PSMD2: variants seen among roughly 807,000 people sequenced by gnomAD.
PSMD2 encodes the protein proteasome 26S subunit ubiquitin receptor, non-ATPase 2.
Under a neutral mutation model 101.5 loss-of-function variants are expected in PSMD2, and 8 were observed. The observed-to-expected ratio is 0.08, with a 90% CI of 0.05 to 0.14. The LOEUF is 0.14. PSMD2 is among the 10% of genes least tolerant of loss of function. The pLI is 1.00. For missense variants in PSMD2, 784 were observed against 1,147.4 expected (o/e 0.68, Z 4.58); for synonymous variants, 418 against 433.8 (o/e 0.96, Z 0.45).
Position 184,307,604 on chromosome 3 carries a change from A to T in PSMD2, c.2204-10A>T. ...CCTTTTTTCACTTCTGTAATGCTTAACATTTCCAGGTACCAATAATGCCCG... is the reference window on the plus strand; with the variant it reads ...CCTTTTTTCACTTCTGTAATGCTTATCATTTCCAGGTACCAATAATGCCCG... On this transcript the variant is annotated splice_polypyrimidine_tract_variant and intron_variant, in intron 17 of 20. Coordinates refer to ENST00000310118, the MANE Select transcript of PSMD2 (RefSeq NM_002808.5). The T allele has an allele frequency of 1.2e-6, 2 of 1,614,150 alleles. No individual in the cohort carries two copies. Among genetic ancestry groups the T allele is most frequent in the South Asian group, 2.2e-5 (2 of 91,088 alleles).
chr3:184,299,412 A>T lies in PSMD2; in HGVS notation c.135+11A>T. The T allele has an allele frequency of 7.6e-7, 1 of 1,319,378 alleles. No individual in the cohort carries two copies. Among genetic ancestry groups the T allele is most frequent in the Non-Finnish European group, 9.7e-7 (1 of 1,034,682 alleles). 81.7% of individuals were successfully genotyped at this position (1,319,378 alleles called of 1,614,324 possible). A position where few individuals can be genotyped will look rare whatever the true frequency, so the allele number is the denominator to read the frequency against. ...AAAGAACAGGAGCTGGTGAGGCGCG[A>T]CCCCGAGAGTCGGCGAAGGAGGCTG... On this transcript the variant is annotated intron_variant, in intron 1 of 20. Transcript: ENST00000310118.
At chr3:184,302,623 G>T in intron 6 of PSMD2, 56 bp from the exon 7 acceptor site, 1 of 1,612,796 alleles carries the variant, frequency 6.2e-7, no homozygotes, top group Non-Finnish European at 8.5e-7. Context: ...GGCTTGAGGG[G>T]TTTTCCTGTG....
At chr3:184,302,965 C>G (rs1181874770) in intron 7 of PSMD2, 37 bp from the exon 8 acceptor site, 3 of 1,613,042 alleles carry the variant, frequency 1.9e-6, no homozygotes, top group East Asian at 4.5e-5. Context: ...TGGGGGAGTT[C>G]TAGGGAAGCA....
rs375602792 is a variant in PSMD2 at position 184,308,666 on chromosome 3, C to T, written c.2545-42C>T. 10 of 1,596,284 alleles carry T rather than the reference C, an allele frequency of 6.3e-6. No homozygotes were observed. The highest frequency in any genetic ancestry group is 2.2e-5 in the South Asian group (2 of 90,348). On this transcript the variant is annotated intron_variant, in intron 20 of 20. Coordinates refer to ENST00000310118, the MANE Select transcript of PSMD2 (RefSeq NM_002808.5). The surrounding 1 kb of genome is among the most constrained non-coding windows in gnomAD (Gnocchi z 6.0). ...GAAACTGGCGTGGGCGGTGGCTTGT[C>T]GCTACTTTTCCATCTCTCTTTTCAA... is the stretch of plus-strand genomic sequence containing the variant.
chr3:184,299,282 C>G lies in PSMD2; in HGVS notation c.16C>G (p.Arg6Gly). ...GGCGGCGGAGATGGAGGAGGGAGGC[C>G]GGGACAAGGCGCCGGTGCAGCCCCA... MEEGG[R>G]DKAPVQPQQS... The change falls in exon 1 of 21, where the codon CGG (arginine) becomes GGG (glycine). Residue 6 changes from arginine to glycine, a missense_variant. This residue lies in a region of PSMD2 where 196 missense variants were observed against 182.4 expected (regional missense o/e 1.07). Transcript: ENST00000310118. 1 of 1,359,924 alleles carries G rather than the reference C, an allele frequency of 7.4e-7. No individual in the cohort carries two copies. Among genetic ancestry groups the G allele is most frequent in the Non-Finnish European group, 9.5e-7 (1 of 1,056,934 alleles). 84.2% of individuals were successfully genotyped at this position (1,359,924 alleles called of 1,614,324 possible).
chr3:184,303,150 C>G (rs1018050291), intron 8 of PSMD2, 88 bp downstream of exon 8: 1 of 1,519,338 alleles, frequency 6.6e-7, no homozygotes, highest in African/African-American at 1.4e-5. Context: ...CATGCTTATC[C>G]TATCGAGCTC....
chr3:184,304,417 GAGTA>G lies in PSMD2; in HGVS notation c.1539+31_1539+34del. 6.3e-7 allele frequency: 1 copy of G among 1,598,512 alleles called. No homozygotes were observed. Among genetic ancestry groups the G allele is most frequent in the South Asian group, 1.1e-5 (1 of 90,762 alleles). On this transcript the variant is annotated intron_variant, in intron 12 of 20. Coordinates refer to ENST00000310118, the MANE Select transcript of PSMD2 (RefSeq NM_002808.5). The surrounding 1 kb of genome is among the most constrained non-coding windows in gnomAD (Gnocchi z 4.1). ...GTGAGTAGAGGCTATTGAGCATTTA[GAGTA>G]AGTAGGGAAGGTGCTTTGAGTCTTA... is the stretch of plus-strand genomic sequence containing the variant.
At position 184,303,358 on chromosome 3, in the gene PSMD2, A is replaced by G. The variant is rs754615777; in HGVS notation, c.1108A>G (p.Met370Val). The G allele has an allele frequency of 1.1e-5, 18 of 1,613,942 alleles. No individual in the cohort carries two copies. The highest frequency in any genetic ancestry group is 1.7e-6 in the Non-Finnish European group (2 of 1,180,040). The change falls in exon 9 of 21, where the codon ATG (methionine) becomes GTG (valine). Residue 370 changes from methionine to valine, a missense_variant. Met to Val is a conservative substitution (Grantham distance 21). This residue lies in a region of PSMD2 where 208 missense variants were observed against 301.6 expected (regional missense o/e 0.69). Coordinates refer to ENST00000310118, the MANE Select transcript of PSMD2 (RefSeq NM_002808.5). Reference sequence around the variant, plus strand: ...TGGCTCTCAGGTGGACTCTGCCCGCATGAACCTGGCCTCCTCTTTTGTGAA... The same window carrying G: ...TGGCTCTCAGGTGGACTCTGCCCGCGTGAACCTGGCCTCCTCTTTTGTGAA... ...GSGSQVDSAR[M>V]NLASSFVNGF...
intron 9 of PSMD2, 51 bp from the exon 10 acceptor site, chr3:184,303,592 G>A: frequency 6.2e-7 from 1 of 1,611,336 alleles, no homozygotes; most frequent in Middle Eastern, 1.7e-4. Context: ...ATAATAACAG[G>A]ATCCTCAGGA....
Position 184,303,007 on chromosome 3 carries a change from C to T in PSMD2, c.1014C>T (p.Asp338=). 6.2e-7 allele frequency: 1 copy of T among 1,614,096 alleles called. No individual in the cohort carries two copies. The highest frequency in any genetic ancestry group is 1.1e-5 in the South Asian group (1 of 91,074). ...ACCCTCTGACTTCTCTTCAGCTGGA[C>T]ATCATGGAGCCCAAGGTGCCTGATG... ...SNFLALAREL[D]IMEPKVPDDI... Residue 338 remains aspartate (D), a synonymous_variant, in exon 8 of 21, where the codon GAC becomes GAT. Coordinates refer to ENST00000310118, the MANE Select transcript of PSMD2 (RefSeq NM_002808.5).
In PSMD2 at chr3:184,308,968, G is replaced by A. The variant is rs1476544226; in HGVS notation, c.*78G>A. The A allele has an allele frequency of 3.5e-6, 5 of 1,437,860 alleles. No homozygotes were observed. In the African/African-American group the frequency reaches 5.7e-5, roughly 16 times the overall value. The allele number at this position is 1,437,860 out of a possible 1,614,324, so 89.1% of individuals were successfully genotyped here. ...CCTGCTGCCAAGGGTGGACACGGCT[G>A]CAGACTTCTGGGGGAATTGTCGCCT... is the stretch of plus-strand genomic sequence containing the variant. On this transcript the variant is annotated 3_prime_UTR_variant, in exon 21 of 21. Transcript: ENST00000310118. This position sits in a 1 kb window ranked among gnomAD's most constrained non-coding sequence, Gnocchi z 6.0.
chr3:184,304,102 A>G lies in PSMD2; in HGVS notation c.1451+28A>G. 2.5e-6 allele frequency: 4 copies of G among 1,613,186 alleles called. No individual in the cohort carries two copies. Among genetic ancestry groups the G allele is most frequent in the South Asian group, 1.1e-5 (1 of 91,054 alleles). ...AAGGTTCCTCGCTTGTCTTTCTGGT[A>G]GTGCTCAGCCTGTACACTCTGGAGA... is the stretch of plus-strand genomic sequence containing the variant. On this transcript the variant is annotated intron_variant, in intron 11 of 20. Transcript: ENST00000310118. The surrounding 1 kb of genome is among the most constrained non-coding windows in gnomAD (Gnocchi z 4.1).
At position 184,307,389 on chromosome 3, in the gene PSMD2, T is replaced by C; in HGVS notation, c.2067T>C (p.Ala689=). 2 of 1,614,200 alleles carry C rather than the reference T, an allele frequency of 1.2e-6. No individual in the cohort carries two copies. The highest frequency in any genetic ancestry group is 2.2e-5 in the East Asian group (1 of 44,884). The change falls in exon 17 of 21, where the codon GCT becomes GCC. Residue 689 remains alanine, a synonymous_variant. Transcript: ENST00000310118. ...LRYGEPTLRR[A]VPLALALISV... ...ATGGGGAGCCTACACTCCGGAGGGC[T>C]GTACCTTTAGCACTGGCCCTCATCT...
rs757636450 is a variant in PSMD2 at position 184,300,462 on chromosome 3, C to G, written c.357+18C>G. The G allele has an allele frequency of 6.2e-7, 1 of 1,607,936 alleles. No homozygotes were observed. The highest frequency in any genetic ancestry group is 1.7e-5 in the Admixed American group (1 of 58,664). Reference sequence around the variant, plus strand: ...AGAATAAGGTAAAACTGTTTCAAACCTGGTGGAGGCCTAGTTTAGGAATTC... The same window carrying G: ...AGAATAAGGTAAAACTGTTTCAAACGTGGTGGAGGCCTAGTTTAGGAATTC... On this transcript the variant is annotated intron_variant, in intron 3 of 20. Transcript: ENST00000310118.
At chr3:184,303,830 A>T (rs1269544531) in intron 10 of PSMD2, 81 bp downstream of exon 10, 1 of 1,598,894 alleles carries the variant, frequency 6.3e-7, no homozygotes, top group Admixed American at 1.7e-5. Flanking sequence ...TTCACTGATG[A>T]GGTCTGCCCA....
intron 15 of PSMD2, 124 bp downstream of exon 15, chr3:184,306,619 A>C: frequency 1.3e-6 from 2 of 1,531,280 alleles, no homozygotes; most frequent in Non-Finnish European, 1.8e-6. Context: ...ATAGCGTGTG[A>C]CTGGGTTCTG....
rs922681325 is a variant in PSMD2 at position 184,304,488 on chromosome 3, G to A, written c.1539+97G>A. 49 of 1,234,060 alleles carry A rather than the reference G, an allele frequency of 4.0e-5. 1 individual carries two copies. In the Middle Eastern group the frequency reaches 8.5e-4, roughly 21 times the overall value. The allele number at this position is 1,234,060 out of a possible 1,614,324, so 76.4% of individuals were successfully genotyped here. ...ATGAAAAAGAAGTAAGTGTGTGCAT[G>A]TGTGCATACATGTACATGCCTGTTG... On this transcript the variant is annotated intron_variant, in intron 12 of 20. Coordinates refer to ENST00000310118, the MANE Select transcript of PSMD2 (RefSeq NM_002808.5). The surrounding 1 kb of genome is among the most constrained non-coding windows in gnomAD (Gnocchi z 4.1).
chr3:184,306,383 T>C lies in PSMD2; in HGVS notation c.1838T>C (p.Leu613Pro), dbSNP rs1389286013. ...AATGTGCTGAAGGTGCAGCAGCTGC[T>C]CCACATTTGTAGCGAACACTTTGAC... ...SGNVLKVQQLLHICSEHFDSK... is the reference protein window; with the variant it reads ...SGNVLKVQQLPHICSEHFDSK... The change falls in exon 15 of 21, where the codon CTC becomes CCC. Residue 613 changes from leucine to proline, a missense_variant. This residue lies in a region of PSMD2 where 282 missense variants were observed against 437.6 expected (regional missense o/e 0.64). Transcript: ENST00000310118. 1 of 1,613,996 alleles carries C rather than the reference T, an allele frequency of 6.2e-7. No individual in the cohort carries two copies.
chr3:184,299,647 C>T (rs1721575865), intron 1 of PSMD2: 1 of 641,152 alleles, frequency 1.6e-6, no homozygotes, highest in Non-Finnish European at 2.6e-6. Flanking sequence ...ATTGTCACCT[C>T]CGTTTCCTAG....
Sources: allele counts gnomAD v4.1 joint callset, GRCh38; gene constraint gnomAD v4.1.1; regional missense constraint gnomAD v4.1.1; non-coding constraint Gnocchi (gnomAD v3.1); transcripts MANE v1.5; gene names NCBI Gene and HGNC (gene_info 2026-07-23, HGNC 2026-07-21).